The following KATNA1 variants were observed in gnomAD, a reference collection of about 807,000 sequenced individuals.
The protein encoded by KATNA1 is katanin catalytic subunit A1.
KATNA1 carries 42 observed loss-of-function variants against 62.6 expected under a neutral mutation model. That is an observed-to-expected ratio of 0.67 (90% CI 0.52 to 0.87). The LOEUF (loss-of-function observed/expected upper bound fraction) is 0.87. Ranked by LOEUF, KATNA1 falls within the 40% of genes least tolerant of loss-of-function variation. KATNA1 has a pLI of 0.00. For synonymous variants in KATNA1, 186 were observed against 201.9 expected, an observed-to-expected ratio of 0.92 and a Z score of 0.67; for missense variants, 498 against 612.5, an observed-to-expected ratio of 0.81 and a Z score of 1.97.
chr6:149,643,939 T>C (rs950539754), intron 1 of KATNA1, among the ~76,000 whole-genome samples: 52 of 151,906 alleles, frequency 3.4e-4, no homozygotes, highest in Non-Finnish European at 1.3e-4. Flanking sequence ...CAGCCCACCT[T>C]AGCCTCCCAA....
At chr6:149,633,935 C>A (rs1204501633) in intron 2 of KATNA1, among the ~76,000 whole-genome samples, 1 of 151,826 alleles carries the variant, frequency 6.6e-6, no homozygotes, top group Non-Finnish European at 1.5e-5. Flanking sequence ...CCAGCCTGGG[C>A]AACAAGAGTG....
At chr6:149,631,635 G>C (rs1779845033) in intron 3 of KATNA1, 1 of 151,646 alleles carries the variant, frequency 6.6e-6, no homozygotes, top group Non-Finnish European at 1.5e-5. Flanking sequence ...AAAACAATCT[G>C]ATCAACATCT....
intron 3 of KATNA1, among the ~76,000 whole-genome samples, chr6:149,632,502 C>T (rs912249660): frequency 6.6e-6 from 1 of 152,198 alleles, no homozygotes; most frequent in Non-Finnish European, 1.5e-5. Flanking sequence ...CATTCTCCTT[C>T]CACAAGATAA....
At chr6:149,633,052 C>A in intron 2 of KATNA1, 136 bp from the exon 3 acceptor site, 2 of 544,556 alleles carry the variant, frequency 3.7e-6, no homozygotes, top group Non-Finnish European at 3.1e-6. Context: ...TCAAGATATT[C>A]TATCAAAATG....
At chr6:149,606,833 T>C (rs1202929168) in intron 4 of KATNA1, among the ~76,000 whole-genome samples, 3 of 152,164 alleles carry the variant, frequency 2.0e-5, no homozygotes, top group African/African-American at 7.2e-5. Context: ...TCAGCTAGGC[T>C]GGTCTTGAAC....
intron 1 of KATNA1, among the ~76,000 whole-genome samples, chr6:149,646,831 A>T (rs933616780): frequency 6.6e-6 from 1 of 152,240 alleles, no homozygotes; most frequent in African/African-American, 2.4e-5. Context: ...GCTATTTGGC[A>T]TGTTATCAAC....
At position 149,635,891 on chromosome 6, in the gene KATNA1, C is replaced by A. The variant is rs916464818; in HGVS notation, c.162+2495G>T. ...GCTACATGGTGAAACCCCGTCTCTA[C>A]TAAAAATACAAAAATTAGCTGGGTG... is the stretch of plus-strand genomic sequence containing the variant. On this transcript the variant is annotated intron_variant, in intron 2 of 10. Transcript: ENST00000367411. Among the ~76,000 whole-genome samples, 5 of 150,426 alleles carry A rather than the reference C, an allele frequency of 3.3e-5. No individual in the cohort carries two copies. The South Asian group carries it at 1.0e-3, about 31-fold the overall frequency.
Position 149,632,877 on chromosome 6 carries a change from C to A in KATNA1, c.202G>T (p.Asp68Tyr). 1.2e-6 allele frequency: 2 copies of A among 1,611,140 alleles called. No individual in the cohort carries two copies. The highest frequency in any genetic ancestry group is 1.7e-6 in the Non-Finnish European group (2 of 1,179,278). ...EINVEAKHVK[D>Y]IMKTLESFKL... ...AAGCTCTCTAGTGTTTTCATGATAT[C>A]TTTAACATGTTTAGCTTCCACATTT... The change falls in exon 3 of 11, where the codon GAT (aspartate) becomes TAT (tyrosine). Residue 68 changes from aspartate (D) to tyrosine (Y), a missense_variant. Around this residue, in one of 3 missense-constraint regions of KATNA1, gnomAD observed 203 missense variants for 198.4 expected, o/e 1.02. Transcript: ENST00000367411.
At chr6:149,624,906 G>A (rs1178150518) in intron 3 of KATNA1, among the ~76,000 whole-genome samples, 2 of 150,176 alleles carry the variant, frequency 1.3e-5, no homozygotes, top group East Asian at 1.9e-4. Flanking sequence ...ATGGCAATGG[G>A]AATGGCCTCA....
chr6:149,596,114 T>TAA (rs1409370397), intron 10 of KATNA1, among the ~76,000 whole-genome samples: 1 of 152,238 alleles, frequency 6.6e-6, no homozygotes, highest in Non-Finnish European at 1.5e-5. Context: ...CAATTTATCC[T>TAA]AACATTAGCT....
intron 5 of KATNA1, among the ~76,000 whole-genome samples, 175 bp from the exon 6 acceptor site, chr6:149,603,548 T>C (rs1778629050): frequency 6.6e-6 from 1 of 152,152 alleles, no homozygotes; most frequent in African/African-American, 2.4e-5. Context: ...CCAGCAGATA[T>C]ATAAAGAGCA....
chr6:149,597,443 A>C, intron 9 of KATNA1, 64 bp downstream of exon 9: 1 of 1,576,376 alleles, frequency 6.3e-7, no homozygotes, highest in Non-Finnish European at 8.6e-7. Flanking sequence ...AACAAATTTT[A>C]AATTCTCTAA....
In KATNA1 at chr6:149,639,617, TA is replaced by T. The variant is rs61414321; in HGVS notation, c.-13-1058del. 3.6e-3 allele frequency among the ~76,000 whole-genome samples: 552 copies of T among 151,824 alleles called. 2 individuals are homozygous for T. The highest frequency in any genetic ancestry group is 0.013 in the African/African-American group (525 of 41,480). On this transcript the variant is annotated intron_variant, in intron 1 of 10. Transcript: ENST00000367411. ...TGTCTCAAAAAATAAAAAAATAAAA[TA>T]AAATAAATTTAAAACATTGTTTTAA...
chr6:149,634,795 T>A (rs1037278416), intron 2 of KATNA1, among the ~76,000 whole-genome samples: 9 of 152,356 alleles, frequency 5.9e-5, no homozygotes, highest in Middle Eastern at 3.4e-3. Flanking sequence ...CCAAGATATG[T>A]ACAACTATTA....
intron 1 of KATNA1, among the ~76,000 whole-genome samples, chr6:149,647,374 T>C (rs111885584): frequency 0.025 from 3,818 of 151,696 alleles, 151 homozygotes; most frequent in African/African-American, 0.087. Context: ...TACAAAAAAT[T>C]TGCCGCGCGT....
intron 3 of KATNA1, among the ~76,000 whole-genome samples, chr6:149,626,455 C>T (rs1371917929): frequency 4.1e-5 from 6 of 148,100 alleles, no homozygotes; most frequent in African/African-American, 9.9e-5. Flanking sequence ...CCACTGCGCC[C>T]GGCTAATTTT....
chr6:149,601,434 T>C (rs1419039037), intron 7 of KATNA1, among the ~76,000 whole-genome samples, 160 bp downstream of exon 7: 1 of 152,164 alleles, frequency 6.6e-6, no homozygotes, highest in African/African-American at 2.4e-5. Context: ...AAACTCTAAT[T>C]ATTCATGTTT....
intron 7 of KATNA1, among the ~76,000 whole-genome samples, chr6:149,601,003 A>G (rs1778523535): frequency 6.6e-6 from 1 of 151,990 alleles, no homozygotes; most frequent in Non-Finnish European, 1.5e-5. Context: ...ACATAAAACT[A>G]CTCTGTTTCT....
At position 149,622,279 on chromosome 6, in the gene KATNA1, C is replaced by T. The variant is rs148484203; in HGVS notation, c.501+824G>A. Among the ~76,000 whole-genome samples, 1,420 of 152,138 alleles carry T rather than the reference C, an allele frequency of 9.3e-3. 29 individuals are homozygous for T. The highest frequency in any genetic ancestry group is 0.077 in the South Asian group (370 of 4,824). Reference sequence around the variant, plus strand: ...TCCTGAGTAGCTGGGACTACAGGCGCCCGCCACCACGGCTAATTTTTAGTA... The same window carrying T: ...TCCTGAGTAGCTGGGACTACAGGCGTCCGCCACCACGGCTAATTTTTAGTA... On this transcript the variant is annotated intron_variant, in intron 4 of 10. Coordinates refer to ENST00000367411, the MANE Select transcript of KATNA1 (RefSeq NM_007044.4).
Sources: gnomAD v4.1 joint callset for allele counts (sites outside exome capture counted in the v4.1 genomes callset) on GRCh38, gnomAD v4.1.1 for gene constraint, gnomAD v4.1.1 regional missense constraint, MANE v1.5 for transcripts, NCBI Gene and HGNC (gene_info 2026-07-23, HGNC 2026-07-21) for gene names.